The following NOL11 variants were observed in gnomAD, a reference collection of about 807,000 sequenced individuals.
NOL11 encodes the protein nucleolar protein 11.
Under a neutral mutation model 93.0 loss-of-function variants are expected in NOL11, and 42 were observed. That is an observed-to-expected ratio of 0.45 (90% confidence interval 0.35 to 0.58). The LOEUF is 0.58. Ranked by LOEUF, NOL11 falls within the 20% of genes least tolerant of loss-of-function variation. NOL11 has a pLI of 0.00. For synonymous variants in NOL11, 296 were observed against 293.7 expected (o/e 1.01, Z -0.08); for missense variants, 775 against 841.8 (o/e 0.92, Z 0.98).
chr17:67,733,121 T>C (rs1220363961), intron 7 of NOL11, among the ~76,000 whole-genome samples: 1 of 151,216 alleles, frequency 6.6e-6, no homozygotes, highest in African/African-American at 2.4e-5. Context: ...CTCAGCACTT[T>C]GGGAGGCCGA....
At chr17:67,722,552 A>T (rs775583927) in intron 4 of NOL11, 28 bp from the exon 5 acceptor site, 35 of 1,562,152 alleles carry the variant, frequency 2.2e-5, no homozygotes, top group Non-Finnish European at 2.8e-5. Flanking sequence ...TTTGCATCCT[A>T]TAATTTTTCT....
chr17:67,726,619 T>C lies in NOL11; in HGVS notation c.824T>C (p.Val275Ala). ...LTALDQDHVA[V>A]LGSPLAASKE... ...GCCCTGGATCAGGATCACGTCGCAG[T>C]CCTAGGAAGTCCACTAGCAGCTTCT... The change falls in exon 7 of 18, where the codon GTC (valine) becomes GCC (alanine). Residue 275 changes from valine (V) to alanine (A), a missense_variant. Transcript: ENST00000253247. 1 of 1,606,634 alleles carries C rather than the reference T, an allele frequency of 6.2e-7. No homozygotes were observed. The highest frequency in any genetic ancestry group is 8.5e-7 in the Non-Finnish European group (1 of 1,177,786).
At chr17:67,723,922 A>G (rs1413348015) in intron 5 of NOL11, 127 bp from the exon 6 acceptor site, 2 of 612,586 alleles carry the variant, frequency 3.3e-6, no homozygotes, top group East Asian at 2.9e-5. Context: ...AACAAATTTG[A>G]TAGCATAAGA....
intron 8 of NOL11, among the ~76,000 whole-genome samples, chr17:67,735,518 A>T (rs1039279391): frequency 1.3e-5 from 2 of 151,614 alleles, no homozygotes; most frequent in Admixed American, 1.3e-4. Context: ...TATTTTTACA[A>T]TCATAAAATA....
In NOL11 at chr17:67,718,053, G is replaced by A. The variant is rs2143066903; in HGVS notation, c.106G>A (p.Val36Met). 1 of 1,614,262 alleles carries A rather than the reference G, an allele frequency of 6.2e-7. No individual in the cohort carries two copies. The highest frequency in any genetic ancestry group is 2.2e-5 in the East Asian group (1 of 44,884). The change falls in exon 1 of 18, where the codon GTG becomes ATG. Residue 36 changes from valine to methionine, a missense_variant. Coordinates refer to ENST00000253247, the MANE Select transcript of NOL11 (RefSeq NM_015462.5). ...EQSDKTDQFL[V>M]TDSGRTVILY... ...GAGCGACAAAACAGACCAGTTTCTA[G>A]TGACAGACAGCGGCAGGACAGTCAT...
chr17:67,724,480 C>T (rs577158612), intron 6 of NOL11, among the ~76,000 whole-genome samples: 2 of 152,070 alleles, frequency 1.3e-5, no homozygotes, highest in African/African-American at 4.8e-5. Context: ...ATTACAGGCG[C>T]CCACCCCCAC....
intron 7 of NOL11, among the ~76,000 whole-genome samples, chr17:67,732,313 C>T (rs564394664): frequency 6.8e-4 from 103 of 152,006 alleles, no homozygotes; most frequent in African/African-American, 2.4e-3. Context: ...GAAACCCTGT[C>T]TCTACTGAAA....
At chr17:67,738,612 G>T (rs1315694084) in intron 14 of NOL11, 1 of 472,204 alleles carries the variant, frequency 2.1e-6, no homozygotes, top group Non-Finnish European at 3.7e-6. Flanking sequence ...TGGGAGGATT[G>T]TCTGAGCCCA....
At chr17:67,728,502 C>T (rs1026316411) in intron 7 of NOL11, among the ~76,000 whole-genome samples, 1 of 152,074 alleles carries the variant, frequency 6.6e-6, no homozygotes, top group Admixed American at 6.6e-5. Context: ...GGCTCTTGAC[C>T]ACTTCACTAA....
Position 67,739,002 on chromosome 17 carries a change from C to A in NOL11, c.1834C>A (p.His612Asn). 1 of 1,606,246 alleles carries A rather than the reference C, an allele frequency of 6.2e-7. No homozygotes were observed. The highest frequency in any genetic ancestry group is 8.5e-7 in the Non-Finnish European group (1 of 1,173,402). ...LPHLKDIPAQHITLFLKYLYF... is the reference protein window; with the variant it reads ...LPHLKDIPAQNITLFLKYLYF... ...TCATTTGAAAGACATCCCAGCACAGCATATCACGGTAAGTGTTCATACAAG... is the reference window on the plus strand; with the variant it reads ...TCATTTGAAAGACATCCCAGCACAGAATATCACGGTAAGTGTTCATACAAG... Residue 612 changes from histidine to asparagine, a missense_variant, in exon 15 of 18, where the codon CAT becomes AAT. Physicochemically the swap from His to Asn is moderately conservative, Grantham distance 68. This residue lies in a region of NOL11 where 416 missense variants were observed against 525.2 expected (regional missense o/e 0.79). Transcript: ENST00000253247.
Position 67,736,604 on chromosome 17 carries a change from G to A in NOL11, c.1055-62G>A. ...GTTTTTTTTAAATTGTTCTTTGATT[G>A]TTTAGTTGGGCAAAAAGTAAGTCAA... On this transcript the variant is annotated intron_variant, in intron 9 of 17. Transcript: ENST00000253247. The A allele has an allele frequency of 3.9e-6, 4 of 1,027,086 alleles. No individual in the cohort carries two copies. In the South Asian group the frequency reaches 5.7e-5, roughly 15 times the overall value. 63.6% of individuals were successfully genotyped at this position (1,027,086 alleles called of 1,614,324 possible).
chr17:67,737,834 T>C lies in NOL11; in HGVS notation c.1404-13T>C. On this transcript the variant is annotated splice_polypyrimidine_tract_variant and intron_variant, in intron 12 of 17. Coordinates refer to ENST00000253247, the MANE Select transcript of NOL11 (RefSeq NM_015462.5). ...CTTAATATGTAATAGTGATTCAGAT[T>C]TTTTTGTCTTAGTTTGTGCCCCGAC... 1 of 1,603,590 alleles carries C rather than the reference T, an allele frequency of 6.2e-7. No homozygotes were observed.
chr17:67,724,107 C>T lies in NOL11; in HGVS notation c.578C>T (p.Thr193Ile). 2 of 1,586,426 alleles carry T rather than the reference C, an allele frequency of 1.3e-6. No homozygotes were observed. Among genetic ancestry groups the T allele is most frequent in the Non-Finnish European group, 8.6e-7 (1 of 1,165,018 alleles). ...MFNSRILTKY[T>I]LLLGQDENSV... Reference sequence around the variant, plus strand: ...AACTCACGTATCTTAACCAAATATACACTCTTACTTGGACAAGACGAAAAC... The same window carrying T: ...AACTCACGTATCTTAACCAAATATATACTCTTACTTGGACAAGACGAAAAC... The change falls in exon 6 of 18, where the codon ACA (threonine) becomes ATA (isoleucine). Residue 193 changes from threonine (T) to isoleucine (I), a missense_variant. Thr to Ile is a moderately conservative substitution (Grantham distance 89). Coordinates refer to ENST00000253247, the MANE Select transcript of NOL11 (RefSeq NM_015462.5).
chr17:67,722,698 A>C, intron 5 of NOL11, 61 bp downstream of exon 5: 1 of 1,513,554 alleles, frequency 6.6e-7, no homozygotes, highest in Non-Finnish European at 8.8e-7. Context: ...AAAAAAATTT[A>C]TTTAGAGACA....
chr17:67,734,572 C>T (rs2055184337), intron 8 of NOL11, 133 bp downstream of exon 8: 1 of 610,154 alleles, frequency 1.6e-6, no homozygotes, highest in South Asian at 2.1e-5. Flanking sequence ...GATCCTCCTG[C>T]TTCAGAAATT....
chr17:67,719,122 G>C (rs1053652990), intron 1 of NOL11: 1 of 152,140 alleles, frequency 6.6e-6, no homozygotes, highest in African/African-American at 2.4e-5. Flanking sequence ...GGTTTGGCCG[G>C]ACGCGGTGGT....
At chr17:67,732,418 G>A (rs1415490304) in intron 7 of NOL11, among the ~76,000 whole-genome samples, 4 of 149,636 alleles carry the variant, frequency 2.7e-5, no homozygotes, top group Non-Finnish European at 5.9e-5. Context: ...TTGAACCCGA[G>A]AGGTGGAGGT....
chr17:67,723,733 C>T (rs2055058840), intron 5 of NOL11, among the ~76,000 whole-genome samples: 1 of 147,484 alleles, frequency 6.8e-6, no homozygotes, highest in East Asian at 1.9e-4. Flanking sequence ...GTGTGGTGAC[C>T]TCATCTCTAT....
At chr17:67,730,709 C>T (rs556305919) in intron 7 of NOL11, among the ~76,000 whole-genome samples, 124 of 152,326 alleles carry the variant, frequency 8.1e-4, no homozygotes, top group Middle Eastern at 3.4e-3. Flanking sequence ...TATTTTGATA[C>T]AGGCATGCAA....
Sources: allele counts gnomAD v4.1 joint callset (sites outside exome capture counted in the v4.1 genomes callset), GRCh38; gene constraint gnomAD v4.1.1; regional missense constraint gnomAD v4.1.1; transcripts MANE v1.5; gene names NCBI Gene and HGNC (gene_info 2026-07-23, HGNC 2026-07-21).